XRCC1: variants seen among roughly 807,000 people sequenced by gnomAD.
XRCC1 encodes the protein X-ray repair cross complementing 1, also known as DNA repair protein XRCC1.
Under a neutral mutation model 83.3 loss-of-function variants are expected in XRCC1, and 52 were observed. That is an observed-to-expected ratio of 0.62 (90% CI 0.50 to 0.79). XRCC1 has a LOEUF of 0.79. XRCC1 is among the 30% of genes least tolerant of loss of function. XRCC1 has a pLI of 0.00. For missense variants in XRCC1, 793 were observed against 823.5 expected (o/e 0.96, Z 0.45); for synonymous variants, 281 against 312.6 (o/e 0.90, Z 1.07).
chr19:43,560,764 G>A (rs969478544), intron 3 of XRCC1, 146 bp downstream of exon 3: 18 of 684,806 alleles, frequency 2.6e-5, no homozygotes, highest in African/African-American at 7.0e-5. Context: ...TGTCTCCTCC[G>A]TACACTGGGT....
intron 2 of XRCC1, among the ~76,000 whole-genome samples, chr19:43,567,201 C>A (rs1177160830): frequency 2.7e-5 from 4 of 147,132 alleles, no homozygotes; most frequent in Non-Finnish European, 4.5e-5. Flanking sequence ...TATGTGGTTT[C>A]TTTTTGGAGT....
At chr19:43,574,873 G>C in intron 2 of XRCC1, 37 bp downstream of exon 2, 1 of 1,559,588 alleles carries the variant, frequency 6.4e-7, no homozygotes, top group South Asian at 1.1e-5. Flanking sequence ...CCGGACTCCA[G>C]ACTCCTAGTG....
rs761583025 is a variant in XRCC1, at chr19:43,551,642, C to G, written c.1128G>C (p.Leu376=). ...NTPKYSQVLG[L]GGRIVRKEWV... ...ACTCCTTACGCACGATGCGGCCTCC[C>G]AGGCCTAGGACCTGGCTGTACTTGG... is the stretch of plus-strand genomic sequence containing the variant. Residue 376 remains leucine (L), a synonymous_variant, in exon 10 of 17, where the codon CTG becomes CTC. Coordinates refer to ENST00000262887, the MANE Select transcript of XRCC1 (RefSeq NM_006297.3). The G allele has an allele frequency of 1.9e-6, 3 of 1,614,228 alleles. No homozygotes were observed. Among genetic ancestry groups the G allele is most frequent in the Non-Finnish European group, 2.5e-6 (3 of 1,180,046 alleles).
At chr19:43,556,129 C>T (rs2146055763) in intron 3 of XRCC1, among the ~76,000 whole-genome samples, 1 of 152,202 alleles carries the variant, frequency 6.6e-6, no homozygotes, top group Middle Eastern at 3.4e-3. Context: ...CTCAAATGAT[C>T]CTCTCACCTC....
chr19:43,573,305 T>G (rs1226195509), intron 2 of XRCC1, among the ~76,000 whole-genome samples: 1 of 152,118 alleles, frequency 6.6e-6, no homozygotes, highest in African/African-American at 2.4e-5. Context: ...TTCCACAGTT[T>G]TCTGGGATTA....
In XRCC1 at chr19:43,561,981, A is replaced by G. The variant is rs3213320; in HGVS notation, c.145-961T>C. Among the ~76,000 whole-genome samples the G allele has an allele frequency of 2.7e-3, 415 of 152,122 alleles. 3 individuals are homozygous for G. Among genetic ancestry groups the G allele is most frequent in the African/African-American group, 9.4e-3 (392 of 41,488 alleles). ...GCCAACATGGCAAAACCCCTTCTCT[A>G]CTAAAAATATAAAATATAGCCGGGC... On this transcript the variant is annotated intron_variant, in intron 2 of 16. Coordinates refer to ENST00000262887, the MANE Select transcript of XRCC1 (RefSeq NM_006297.3).
At chr19:43,545,993 A>G in intron 13 of XRCC1, 36 bp from the exon 14 acceptor site, 1 of 1,613,664 alleles carries the variant, frequency 6.2e-7, no homozygotes. Context: ...GTGAGCATGC[A>G]GAGCAGCCTC....
Position 43,552,151 on chromosome 19 carries a change from C to G in XRCC1, c.948G>C (p.Leu316=), listed in dbSNP as rs1413616095. Residue 316 remains leucine (L), a synonymous_variant, in exon 9 of 17, where the codon CTG becomes CTC. Coordinates refer to ENST00000262887, the MANE Select transcript of XRCC1 (RefSeq NM_006297.3). ...CTACCACACCCTGAAGGATCTTCCC[C>G]AGCTCCTCTGGGCCAGCTCGGGGTC... The part of the protein sequence containing the change: ...PRRPRAGPEE[L]GKILQGVVVV... 1 of 1,614,126 alleles carries G rather than the reference C, an allele frequency of 6.2e-7. No homozygotes were observed. Among genetic ancestry groups the G allele is most frequent in the Non-Finnish European group, 8.5e-7 (1 of 1,179,984 alleles).
rs60740505 is a variant in XRCC1, at chr19:43,548,766, C to CAAAAAAAAAAAAAAAAAAAAAAAAA, written c.1200-1790_1200-1789insTTTTTTTTTTTTTTTTTTTTTTTTT. 9.3e-4 allele frequency among the ~76,000 whole-genome samples: 60 copies of CAAAAAAAAAAAAAAAAAAAAAAAAA among 64,556 alleles called. 4 individuals are homozygous for CAAAAAAAAAAAAAAAAAAAAAAAAA. Among genetic ancestry groups the CAAAAAAAAAAAAAAAAAAAAAAAAA allele is most frequent in the East Asian group, 1.8e-3 (5 of 2,792 alleles). The allele number at this position is 64,556 out of a possible 152,430, so 42.4% of individuals were successfully genotyped here. ...TCTGTGAGAAACACCCAAGAATGAT[C>CAAAAAAAAAAAAAAAAAAAAAAAAA]AAAAAAAAAAAAAAAAAAAACACAA... On this transcript the variant is annotated intron_variant, in intron 10 of 16. Transcript: ENST00000262887.
intron 2 of XRCC1, among the ~76,000 whole-genome samples, chr19:43,564,283 T>G (rs1360090919): frequency 2.6e-5 from 4 of 152,158 alleles, no homozygotes; most frequent in African/African-American, 7.2e-5. Context: ...TTGCAGAAGT[T>G]ACTACTCAAG....
At chr19:43,551,760 C>CAGACAGAGAGAGAGAG in intron 9 of XRCC1, 73 bp from the exon 10 acceptor site, 1 of 1,200,762 alleles carries the variant, frequency 8.3e-7, no homozygotes, top group East Asian at 2.3e-5. Flanking sequence ...ACAGGGGAGA[C>CAGACAGAGAGAGAGAG]AGACAGAGAG....
At chr19:43,548,139 C>T (rs1972535583) in intron 10 of XRCC1, among the ~76,000 whole-genome samples, 2 of 151,386 alleles carry the variant, frequency 1.3e-5, no homozygotes, top group Non-Finnish European at 3.0e-5. Flanking sequence ...GGCCAGCCGC[C>T]CCTCCAGGAG....
At chr19:43,571,701 C>T (rs2146073318) in intron 2 of XRCC1, among the ~76,000 whole-genome samples, 1 of 152,228 alleles carries the variant, frequency 6.6e-6, no homozygotes, top group East Asian at 1.9e-4. Flanking sequence ...ATGAAGTTTC[C>T]CTGTGTTGCC....
intron 1 of XRCC1, 116 bp downstream of exon 1, chr19:43,575,292 C>A: frequency 8.3e-7 from 1 of 1,201,500 alleles, no homozygotes; most frequent in African/African-American, 1.5e-5. Flanking sequence ...TTTTAGCCTC[C>A]TGGAAATCCC....
In XRCC1 at chr19:43,551,623, T is replaced by C. The variant is rs1275268209; in HGVS notation, c.1147A>G (p.Lys383Glu). 1.9e-6 allele frequency: 3 copies of C among 1,614,060 alleles called. No homozygotes were observed. The highest frequency in any genetic ancestry group is 2.5e-6 in the Non-Finnish European group (3 of 1,180,042). The change falls in exon 10 of 17, where the codon AAG becomes GAG. Residue 383 changes from lysine to glutamate, a missense_variant. Lys to Glu is a moderately conservative substitution (Grantham distance 56). Transcript: ENST00000262887. ...VLGLGGRIVR[K>E]EWVLDCHRMR... ...CGGTGACAGTCCAGCACCCACTCCT[T>C]ACGCACGATGCGGCCTCCCAGGCCT...
At chr19:43,551,899 CAA>C in intron 9 of XRCC1, 116 bp downstream of exon 9, 1 of 1,233,616 alleles carries the variant, frequency 8.1e-7, no homozygotes, top group Non-Finnish European at 1.2e-6. Flanking sequence ...AGAAAGAAAG[CAA>C]GTGAGAGAGA....
At chr19:43,574,286 G>C (rs1381964355) in intron 2 of XRCC1, among the ~76,000 whole-genome samples, 1 of 152,060 alleles carries the variant, frequency 6.6e-6, no homozygotes, top group Non-Finnish European at 1.5e-5. Flanking sequence ...GTATTGCCCA[G>C]GCTGGTCTCA....
Position 43,552,870 on chromosome 19 carries a change from C to T in XRCC1, c.750G>A (p.Leu250=). 1 of 1,613,696 alleles carries T rather than the reference C, an allele frequency of 6.2e-7. No individual in the cohort carries two copies. Among genetic ancestry groups the T allele is most frequent in the Non-Finnish European group, 8.5e-7 (1 of 1,179,830 alleles). The change falls in exon 8 of 17, where the codon TTG becomes TTA. Residue 250 remains leucine, a synonymous_variant. Coordinates refer to ENST00000262887, the MANE Select transcript of XRCC1 (RefSeq NM_006297.3). The stretch of plus-strand genomic sequence containing the variant: ...TGGGGGTCTTCTTTTCTTCTTGGTT[C>T]AAATCCAACTTCCTCTTCCCTTTGG... ...ESPKGKRKLD[L]NQEEKKTPSK...
chr19:43,564,796 C>A (rs115531169), intron 2 of XRCC1, among the ~76,000 whole-genome samples: 3 of 148,482 alleles, frequency 2.0e-5, no homozygotes, highest in Non-Finnish European at 3.0e-5. Context: ...CTCAAAAAAA[C>A]AAAAAAAAAA....
Sources: gnomAD v4.1 joint callset for allele counts (sites outside exome capture counted in the v4.1 genomes callset) on GRCh38, gnomAD v4.1.1 for gene constraint, MANE v1.5 for transcripts, NCBI Gene and HGNC (gene_info 2026-07-23, HGNC 2026-07-21) for gene names.